The following THUMPD2 variants were observed in gnomAD, a reference collection of about 807,000 sequenced individuals.
THUMPD2 encodes THUMP domain 2 tRNA and snRNA guanosine methyltransferase.
THUMPD2 carries 56 observed loss-of-function variants against 49.4 expected under a neutral mutation model. That is an observed-to-expected ratio of 1.13 (90% CI 0.91 to 1.41). The LOEUF (loss-of-function observed/expected upper bound fraction) is 1.41. Among genes scored for constraint, THUMPD2 ranks in the 40% most tolerant of loss-of-function variants. THUMPD2 has a pLI of 0.00. For missense variants in THUMPD2, 709 were observed against 594.5 expected (o/e 1.19, Z -2.00); for synonymous variants, 237 against 205.2 (o/e 1.15, Z -1.32).
chr2:39,752,439 C>G (rs907930746), intron 8 of THUMPD2, among the ~76,000 whole-genome samples: 1 of 152,174 alleles, frequency 6.6e-6, no homozygotes, highest in Non-Finnish European at 1.5e-5. Flanking sequence ...AAGGGATTCA[C>G]ATATCTCAAC....
chr2:39,769,802 CTA>C lies in THUMPD2; in HGVS notation c.578_579del (p.Ile193ArgfsTer5). ...TGATTATGAGTATCAATTGCTTTCT[CTA>C]TGTCATTCTGAAATTCTTCTTCTTG... is the stretch of plus-strand genomic sequence containing the variant. ...KFQEEEFQND[I>X]EKAIDTHNQN... On this transcript the variant is annotated frameshift_variant, in exon 3 of 10. Coordinates refer to ENST00000505747, the MANE Select transcript of THUMPD2 (RefSeq NM_025264.5). LOFTEE classifies it high-confidence loss of function. 1 of 1,611,470 alleles carries C rather than the reference CTA, an allele frequency of 6.2e-7. No homozygotes were observed. Among genetic ancestry groups the C allele is most frequent in the Non-Finnish European group, 8.5e-7 (1 of 1,179,400 alleles).
chr2:39,761,551 A>C, intron 5 of THUMPD2, 133 bp from the exon 6 acceptor site: 1 of 822,048 alleles, frequency 1.2e-6, no homozygotes, highest in Non-Finnish European at 1.9e-6. Context: ...CCTAAGTTAG[A>C]CAATGTTTCA....
intron 9 of THUMPD2, 61 bp downstream of exon 9, chr2:39,744,309 A>T: frequency 1.1e-6 from 1 of 915,042 alleles, no homozygotes; most frequent in Non-Finnish European, 1.6e-6. Context: ...AAGAGCTATG[A>T]TGTATTTCGG....
chr2:39,765,045 A>C lies in THUMPD2; in HGVS notation c.803+1012T>G, dbSNP rs547022663. ...TATAAAGTTATATTAGTTAAATAAGAAGCACAAAATTAAGCATTTTTATAT... is the reference window on the plus strand; with the variant it reads ...TATAAAGTTATATTAGTTAAATAAGCAGCACAAAATTAAGCATTTTTATAT... On this transcript the variant is annotated intron_variant, in intron 5 of 9. Transcript: ENST00000505747. Among the ~76,000 whole-genome samples, 61 of 152,326 alleles carry C rather than the reference A, an allele frequency of 4.0e-4. 1 individual carries two copies. The South Asian group carries it at 0.012, about 29-fold the overall frequency.
intron 1 of THUMPD2, among the ~76,000 whole-genome samples, chr2:39,772,869 A>G (rs1014512896): frequency 6.6e-6 from 1 of 152,208 alleles, no homozygotes; most frequent in African/African-American, 2.4e-5. Context: ...GGATCTGTCA[A>G]GATCTAATTA....
chr2:39,761,568 T>C, intron 5 of THUMPD2, 150 bp from the exon 6 acceptor site: 3 of 697,512 alleles, frequency 4.3e-6, no homozygotes, highest in South Asian at 3.1e-5. Flanking sequence ...TTCAGTCTTA[T>C]TACAAAAATT....
Position 39,768,485 on chromosome 2 carries a change from A to G in THUMPD2, c.689T>C (p.Ile230Thr). 1 of 1,612,542 alleles carries G rather than the reference A, an allele frequency of 6.2e-7. No homozygotes were observed. Among genetic ancestry groups the G allele is most frequent in the African/African-American group, 1.3e-5 (1 of 74,984 alleles). Residue 230 changes from isoleucine to threonine, a missense_variant, in exon 4 of 10, where the codon ATT (isoleucine) becomes ACT (threonine). By Grantham distance (89) the Ile-to-Thr change is moderately conservative. Coordinates refer to ENST00000505747, the MANE Select transcript of THUMPD2 (RefSeq NM_025264.5). ...AAAGTGTTTCATAATAGCAATTCCA[A>G]TTACTTTTCCTACCTCCTGGAAAAG... The part of the protein sequence containing the change: ...AFTAQEVGKV[I>T]GIAIMKHFGW...
intron 3 of THUMPD2, 113 bp downstream of exon 3, chr2:39,769,597 G>A (rs2148332075): frequency 9.1e-7 from 1 of 1,102,594 alleles, no homozygotes; most frequent in Non-Finnish European, 1.2e-6. Flanking sequence ...AGCTACTCAG[G>A]AGGCTGAGGC....
rs1187213009 is a variant in THUMPD2, at chr2:39,778,768, T to C, written c.126+346A>G. On this transcript the variant is annotated intron_variant, in intron 1 of 9. Transcript: ENST00000505747. The stretch of plus-strand genomic sequence containing the variant: ...GTCAGGTAACTGAACTTGGAGATTA[T>C]GTTTGCATTTAAAGAGCGAAGGGTT... Among the ~76,000 whole-genome samples the C allele has an allele frequency of 3.3e-5, 5 of 152,382 alleles. No individual in the cohort carries two copies. The East Asian group carries it at 7.7e-4, about 24-fold the overall frequency.
In THUMPD2 at chr2:39,754,634, T is replaced by C. The variant is rs547976687; in HGVS notation, c.1078+661A>G. ...GGAATAAGAAAAAAACAAGGAATAG[T>C]TTTTAAAAATTGTCTAAACGCCAGG... On this transcript the variant is annotated intron_variant, in intron 8 of 9. Transcript: ENST00000505747. 1.3e-4 allele frequency among the ~76,000 whole-genome samples: 20 copies of C among 152,290 alleles called. No homozygotes were observed. The South Asian group carries it at 3.7e-3, about 28-fold the overall frequency.
intron 8 of THUMPD2, among the ~76,000 whole-genome samples, chr2:39,753,763 T>A (rs1426124301): frequency 6.6e-6 from 1 of 152,210 alleles, no homozygotes; most frequent in East Asian, 1.9e-4. Context: ...GATGTATATC[T>A]GACCTTCTCT....
chr2:39,755,434 C>A lies in THUMPD2; in HGVS notation c.964-25G>T, dbSNP rs1189328944. 7 of 1,420,134 alleles carry A rather than the reference C, an allele frequency of 4.9e-6. No homozygotes were observed. In the African/African-American group the frequency reaches 1.0e-4, roughly 21 times the overall value. 88.0% of individuals were successfully genotyped at this position (1,420,134 alleles called of 1,614,324 possible). On this transcript the variant is annotated intron_variant, in intron 7 of 9. Transcript: ENST00000505747. Reference sequence around the variant, plus strand: ...CCTATGGGGAAATAAATATTTTAAGCATAAATAAAATTATTACATATTTCA... The same window carrying A: ...CCTATGGGGAAATAAATATTTTAAGAATAAATAAAATTATTACATATTTCA...
intron 8 of THUMPD2, among the ~76,000 whole-genome samples, chr2:39,747,237 CT>C (rs1187455022): frequency 2.6e-5 from 4 of 152,138 alleles, no homozygotes; most frequent in African/African-American, 9.7e-5. Context: ...TTCAAATGCT[CT>C]ATAACATTTT....
rs1015938013 is a variant in THUMPD2 at position 39,751,635 on chromosome 2, G to A, written c.1078+3660C>T. On this transcript the variant is annotated intron_variant, in intron 8 of 9. Coordinates refer to ENST00000505747, the MANE Select transcript of THUMPD2 (RefSeq NM_025264.5). The stretch of plus-strand genomic sequence containing the variant: ...TCATTTGATTCTAAATTTTCATAAC[G>A]ATTAAAACTTAGGAATAAATACATA... 5.3e-5 allele frequency among the ~76,000 whole-genome samples: 8 copies of A among 149,540 alleles called. 1 individual carries two copies. The highest frequency in any genetic ancestry group is 1.3e-4 in the Admixed American group (2 of 15,006).
In THUMPD2 at chr2:39,769,909, T is replaced by C; in HGVS notation, c.473A>G (p.Asn158Ser). 3 of 1,593,558 alleles carry C rather than the reference T, an allele frequency of 1.9e-6. No individual in the cohort carries two copies. Among genetic ancestry groups the C allele is most frequent in the South Asian group, 2.3e-5 (2 of 85,828 alleles). Residue 158 changes from asparagine (N) to serine (S), a missense_variant, in exon 3 of 10, where the codon AAT becomes AGT. Coordinates refer to ENST00000505747, the MANE Select transcript of THUMPD2 (RefSeq NM_025264.5). ...TTGTTTTTCCAGCTGGCAGTCCCTATTCTCTTCTATCTTTTGCATTTGTTC... is the reference window on the plus strand; with the variant it reads ...TTGTTTTTCCAGCTGGCAGTCCCTACTCTCTTCTATCTTTTGCATTTGTTC... ...KIEQMQKIEE[N>S]RDCQLEKQIK...
Position 39,736,780 on chromosome 2 carries a change from A to G in THUMPD2, c.1467T>C (p.Asp489=). The change falls in exon 10 of 10, where the codon GAT becomes GAC. Residue 489 remains aspartate (D), a synonymous_variant. Transcript: ENST00000505747. Reference sequence around the variant, plus strand: ...ACTTCTTATATTTACATATGAACGCATCTGTCTTTCCAAGGCTAACTTTGT... The same window carrying G: ...ACTTCTTATATTTACATATGAACGCGTCTGTCTTTCCAAGGCTAACTTTGT... ...ECYKVSLGKT[D]AFICKYKKSH... is the part of the protein sequence containing the mutation. 6.2e-7 allele frequency: 1 copy of G among 1,614,160 alleles called. No individual in the cohort carries two copies. Among genetic ancestry groups the G allele is most frequent in the Non-Finnish European group, 8.5e-7 (1 of 1,180,004 alleles).
intron 9 of THUMPD2, among the ~76,000 whole-genome samples, chr2:39,739,156 T>C (rs1203602507): frequency 1.3e-5 from 2 of 152,196 alleles, no homozygotes; most frequent in African/African-American, 4.8e-5. Context: ...AAGACAAATG[T>C]AAATTCTTTG....
At chr2:39,764,612 T>C (rs1328210472) in intron 5 of THUMPD2, among the ~76,000 whole-genome samples, 1 of 152,236 alleles carries the variant, frequency 6.6e-6, no homozygotes, top group African/African-American at 2.4e-5. Flanking sequence ...TGCTCTCTAC[T>C]TTGTTTCATC....
At chr2:39,742,626 C>T (rs1254085206) in intron 9 of THUMPD2, among the ~76,000 whole-genome samples, 1 of 152,168 alleles carries the variant, frequency 6.6e-6, no homozygotes, top group Non-Finnish European at 1.5e-5. Context: ...GTTGCTCACA[C>T]ATTAGTATCT....
Sources: allele counts gnomAD v4.1 joint callset (sites outside exome capture counted in the v4.1 genomes callset), GRCh38; gene constraint gnomAD v4.1.1; transcripts MANE v1.5; gene names NCBI Gene and HGNC (gene_info 2026-07-23, HGNC 2026-07-21).